ZSWIM5: variants seen among roughly 807,000 people sequenced by gnomAD.
ZSWIM5 encodes the protein zinc finger SWIM domain-containing protein 5.
Under a neutral mutation model 119.6 loss-of-function variants are expected in ZSWIM5, and 55 were observed. The observed-to-expected ratio is 0.46, with a 90% CI of 0.37 to 0.58. The LOEUF is 0.58. ZSWIM5 is among the 20% of genes least tolerant of loss of function. The pLI, the probability that ZSWIM5 is intolerant of heterozygous loss-of-function variation, is 0.00. For missense variants in ZSWIM5, 1,193 were observed against 1,512.8 expected (o/e 0.79, Z 3.51); for synonymous variants, 537 against 606.9 (o/e 0.88, Z 1.69).
rs531227635 is a variant in ZSWIM5, at chr1:45,032,513, G to A, written c.2449+1799C>T. Among the ~76,000 whole-genome samples the A allele has an allele frequency of 8.4e-3, 1,205 of 142,962 alleles. 21 individuals carry two copies. Among genetic ancestry groups the A allele is most frequent in the African/African-American group, 0.029 (1,125 of 38,162 alleles). 93.8% of individuals were successfully genotyped at this position (142,962 alleles called of 152,430 possible). ...GTTTTTTTTTTTTTTTTGAGACAGA[G>A]TCTCACTCTGTCACCCAGGCAGGAG... is the stretch of plus-strand genomic sequence containing the variant. On this transcript the variant is annotated intron_variant, in intron 11 of 13. Coordinates refer to ENST00000359600, the MANE Select transcript of ZSWIM5 (RefSeq NM_020883.2).
At chr1:45,032,823 T>A (rs1644961153) in intron 11 of ZSWIM5, among the ~76,000 whole-genome samples, 1 of 152,042 alleles carries the variant, frequency 6.6e-6, no homozygotes, top group Admixed American at 6.6e-5. Context: ...CTTTAAGGGT[T>A]TTTTTTCCCA....
chr1:45,069,082 A>C (rs1645203939), intron 2 of ZSWIM5, among the ~76,000 whole-genome samples: 1 of 151,730 alleles, frequency 6.6e-6, no homozygotes, highest in Admixed American at 6.6e-5. Context: ...AGAGTGCTGG[A>C]ATTACTGGCG....
At chr1:45,118,680 T>C (rs1645573273) in intron 1 of ZSWIM5, among the ~76,000 whole-genome samples, 1 of 148,600 alleles carries the variant, frequency 6.7e-6, no homozygotes, top group South Asian at 2.1e-4. Flanking sequence ...AGGTGGAGGT[T>C]GCAGTGAGCT....
intron 1 of ZSWIM5, among the ~76,000 whole-genome samples, chr1:45,102,478 A>C (rs1206748504): frequency 6.6e-6 from 1 of 152,176 alleles, no homozygotes; most frequent in Non-Finnish European, 1.5e-5. Context: ...TCATATCTCC[A>C]TTATAGTACT....
In ZSWIM5 at chr1:45,060,099, C is replaced by T; in HGVS notation, c.1101G>A (p.Lys367=). ...AGAAAAACACCTTTTCATATCTTAC[C>T]TTGGCAAACATTGAGTTGAGTTGCT... ...SGKQLNSMFA[K]VREMLRMRDS... Residue 367 remains lysine, a splice_region_variant and synonymous_variant, in exon 3 of 14, where the codon AAG becomes AAA. Transcript: ENST00000359600. 1 of 1,614,108 alleles carries T rather than the reference C, an allele frequency of 6.2e-7. No homozygotes were observed. The highest frequency in any genetic ancestry group is 8.5e-7 in the Non-Finnish European group (1 of 1,179,996).
chr1:45,134,672 G>C (rs924272747), intron 1 of ZSWIM5, among the ~76,000 whole-genome samples: 1 of 152,110 alleles, frequency 6.6e-6, no homozygotes, highest in Admixed American at 6.6e-5. Context: ...GGTTTAGATT[G>C]GAAAAAAGCA....
intron 1 of ZSWIM5, among the ~76,000 whole-genome samples, chr1:45,165,846 G>T (rs1425177449): frequency 6.6e-6 from 1 of 152,036 alleles, no homozygotes; most frequent in Non-Finnish European, 1.5e-5. Context: ...ACCAAAAAAA[G>T]TCCAGGACCA....
At chr1:45,202,001 G>T (rs1349397497) in intron 1 of ZSWIM5, among the ~76,000 whole-genome samples, 1 of 151,924 alleles carries the variant, frequency 6.6e-6, no homozygotes, top group African/African-American at 2.4e-5. Flanking sequence ...CATATGTGAT[G>T]TGTTAGGGTG....
intron 1 of ZSWIM5, among the ~76,000 whole-genome samples, chr1:45,189,407 T>C (rs552417790): frequency 6.6e-6 from 1 of 152,206 alleles, no homozygotes; most frequent in South Asian, 2.1e-4. Flanking sequence ...ACTTTAATAA[T>C]ATATCAAAGA....
chr1:45,185,964 C>A (rs912602425), intron 1 of ZSWIM5, among the ~76,000 whole-genome samples: 7 of 152,084 alleles, frequency 4.6e-5, no homozygotes, highest in South Asian at 2.1e-4. Context: ...ATGTTTATTG[C>A]GGCATTATTC....
intron 1 of ZSWIM5, among the ~76,000 whole-genome samples, chr1:45,100,168 T>A (rs1474012895): frequency 6.6e-6 from 1 of 152,166 alleles, no homozygotes; most frequent in Admixed American, 6.5e-5. Flanking sequence ...CAGCCCAAAA[T>A]CTTCTTAAGC....
At chr1:45,079,827 C>G (rs1645278672) in intron 2 of ZSWIM5, among the ~76,000 whole-genome samples, 1 of 152,164 alleles carries the variant, frequency 6.6e-6, no homozygotes, top group Non-Finnish European at 1.5e-5. Flanking sequence ...TGCTCTTCAG[C>G]TAGCAGGCAA....
At chr1:45,140,220 C>G (rs1645717955) in intron 1 of ZSWIM5, among the ~76,000 whole-genome samples, 1 of 152,098 alleles carries the variant, frequency 6.6e-6, no homozygotes, top group African/African-American at 2.4e-5. Flanking sequence ...TCTGACCTGC[C>G]ACCTGTTTCT....
chr1:45,020,248 A>C, intron 12 of ZSWIM5, 101 bp from the exon 13 acceptor site: 4 of 940,100 alleles, frequency 4.3e-6, no homozygotes, highest in Non-Finnish European at 6.8e-6. Context: ...TGGTGCTTTA[A>C]ACAGTGGTCT....
intron 1 of ZSWIM5, among the ~76,000 whole-genome samples, chr1:45,185,086 A>T (rs1293129725): frequency 6.6e-6 from 1 of 152,184 alleles, no homozygotes; most frequent in East Asian, 1.9e-4. Flanking sequence ...AGGCCTCAGA[A>T]ATAACGCCGC....
rs1301613921 is a variant in ZSWIM5 at position 45,205,959 on chromosome 1, C to T, written c.392G>A (p.Gly131Glu). The part of the protein sequence containing the change: ...PGAGAAGGAA[G>E]ASPAEEGPQP... Reference sequence around the variant, plus strand: ...CGGCCCCTCCTCGGCCGGCGAAGCCCCCGCGGCGCCGCCAGCAGCGCCGGC... The same window carrying T: ...CGGCCCCTCCTCGGCCGGCGAAGCCTCCGCGGCGCCGCCAGCAGCGCCGGC... The change falls in exon 1 of 14, where the codon GGG (glycine) becomes GAG (glutamate). Residue 131 changes from glycine to glutamate, a missense_variant. Transcript: ENST00000359600. 5.3e-6 allele frequency: 7 copies of T among 1,330,192 alleles called. No individual in the cohort carries two copies. Among genetic ancestry groups the T allele is most frequent in the Admixed American group, 3.9e-5 (1 of 25,944 alleles). 82.4% of individuals were successfully genotyped at this position (1,330,192 alleles called of 1,614,324 possible). A position where few individuals can be genotyped will look rare whatever the true frequency, so the allele number is the denominator to read the frequency against.
intron 1 of ZSWIM5, among the ~76,000 whole-genome samples, chr1:45,090,019 A>AT (rs1645355077): frequency 6.6e-6 from 1 of 152,222 alleles, no homozygotes; most frequent in Non-Finnish European, 1.5e-5. Context: ...TTGGAGAAAT[A>AT]TTTGTCAAGT....
At chr1:45,149,697 G>T (rs1429029619) in intron 1 of ZSWIM5, among the ~76,000 whole-genome samples, 1 of 152,174 alleles carries the variant, frequency 6.6e-6, no homozygotes, top group African/African-American at 2.4e-5. Context: ...CCACATGGAA[G>T]TACAGAACAC....
chr1:45,039,447 G>A (rs1220530064), intron 7 of ZSWIM5, among the ~76,000 whole-genome samples: 3 of 152,224 alleles, frequency 2.0e-5, no homozygotes, highest in Non-Finnish European at 2.9e-5. Context: ...GTGCAGTGGC[G>A]TGATCTTGGC....
Sources: gnomAD v4.1 joint callset for allele counts (sites outside exome capture counted in the v4.1 genomes callset) on GRCh38, gnomAD v4.1.1 for gene constraint, MANE v1.5 for transcripts, NCBI Gene and HGNC (gene_info 2026-07-23, HGNC 2026-07-21) for gene names.